Variants in SDC4 observed in about 807,000 individuals in gnomAD.
SDC4 encodes the protein syndecan 4.
SDC4 carries 17 observed loss-of-function variants against 20.5 expected under a neutral mutation model. The ratio of observed to expected loss-of-function variants is 0.83; its 90% CI spans 0.57 to 1.25. SDC4 has a LOEUF of 1.25. Ranked by LOEUF, SDC4 falls within the 50% of genes most tolerant of loss-of-function variation. The pLI is 0.00. For missense variants in SDC4, 241 were observed against 252.3 expected (o/e 0.96, Z 0.30); for synonymous variants, 107 against 105.3 (o/e 1.02, Z -0.10).
Position 45,330,489 on chromosome 20 carries a change from C to T in SDC4, c.322G>A (p.Glu108Lys). 1.2e-6 allele frequency: 2 copies of T among 1,614,042 alleles called. No homozygotes were observed. The highest frequency in any genetic ancestry group is 1.7e-6 in the Non-Finnish European group (2 of 1,179,872). The change falls in exon 4 of 5, where the codon GAG becomes AAG. Residue 108 changes from glutamate to lysine, a missense_variant. Glu to Lys is a moderately conservative substitution (Grantham distance 56, BLOSUM62 1). Coordinates refer to ENST00000372733, the MANE Select transcript of SDC4 (RefSeq NM_002999.4). The stretch of plus-strand genomic sequence containing the variant: ...ATTCTCTTGGGGATAACCTCATTCT[C>T]CTCTAGTTTCTTGGGTTCGGTGGGG... The part of the protein sequence containing the change: ...QVPTEPKKLE[E>K]NEVIPKRISP...
rs770018148 is a variant in SDC4, at chr20:45,334,274, G to A, written c.200-1205C>T. On this transcript the variant is annotated intron_variant, in intron 2 of 4. Transcript: ENST00000372733. ...GGCCTCCCACAGTGCTTCAATTACA[G>A]GTGTAAGCCACCGCGCCCGGCCAAA... Among the ~76,000 whole-genome samples, 48 of 151,966 alleles carry A rather than the reference G, an allele frequency of 3.2e-4. 1 individual carries two copies. Among genetic ancestry groups the A allele is most frequent in the Non-Finnish European group, 6.9e-4 (47 of 68,006 alleles).
chr20:45,341,961 C>T (rs1389530283), intron 1 of SDC4, among the ~76,000 whole-genome samples: 1 of 152,186 alleles, frequency 6.6e-6, no homozygotes, highest in Non-Finnish European at 1.5e-5. Flanking sequence ...CTCAAAGAGA[C>T]AAGCCTCCCT....
intron 2 of SDC4, 97 bp from the exon 3 acceptor site, chr20:45,333,166 T>C: frequency 9.0e-7 from 1 of 1,110,100 alleles, no homozygotes; most frequent in Non-Finnish European, 1.4e-6. Flanking sequence ...ACAACCAGCT[T>C]CCAAATGCTC....
At chr20:45,331,715 A>T (rs767046087) in intron 3 of SDC4, among the ~76,000 whole-genome samples, 2 of 152,234 alleles carry the variant, frequency 1.3e-5, no homozygotes, top group Non-Finnish European at 2.9e-5. Flanking sequence ...CATCAGTGCC[A>T]TGGCAATTTA....
chr20:45,344,168 C>T (rs1049314299), intron 1 of SDC4, among the ~76,000 whole-genome samples: 3 of 152,190 alleles, frequency 2.0e-5, no homozygotes, highest in African/African-American at 7.2e-5. Flanking sequence ...AAAAGTACTA[C>T]CTGCTCTGCA....
At chr20:45,340,891 C>T (rs1987944158) in intron 1 of SDC4, among the ~76,000 whole-genome samples, 1 of 152,218 alleles carries the variant, frequency 6.6e-6, no homozygotes, top group Non-Finnish European at 1.5e-5. Flanking sequence ...CCACCCACTT[C>T]TTAAGGGCCA....
rs534280276 is a variant in SDC4, at chr20:45,342,282, T to C, written c.60+6043A>G. On this transcript the variant is annotated intron_variant, in intron 1 of 4. Coordinates refer to ENST00000372733, the MANE Select transcript of SDC4 (RefSeq NM_002999.4). ...CCCTCACCGACCCCCAAGGAAGCCA[T>C]CCTCCAGACCAGGTCAGTCTGTCCC... Among the ~76,000 whole-genome samples, 4 of 152,236 alleles carry C rather than the reference T, an allele frequency of 2.6e-5. No homozygotes were observed. The South Asian group carries it at 6.2e-4, about 24-fold the overall frequency.
At chr20:45,348,240 C>G in intron 1 of SDC4, 85 bp downstream of exon 1, 2 of 1,192,060 alleles carry the variant, frequency 1.7e-6, no homozygotes, top group Non-Finnish European at 2.4e-6. Context: ...GATCTGCCCC[C>G]CCCCATCCCA....
intron 1 of SDC4, among the ~76,000 whole-genome samples, chr20:45,343,339 C>T (rs765730980): frequency 6.6e-6 from 1 of 152,134 alleles, no homozygotes. Flanking sequence ...CAACACCCCA[C>T]CCCTCAAAGT....
At chr20:45,336,566 T>G (rs1406373934) in intron 1 of SDC4, among the ~76,000 whole-genome samples, 1 of 152,178 alleles carries the variant, frequency 6.6e-6, no homozygotes, top group Non-Finnish European at 1.5e-5. Context: ...TCATTTTCTT[T>G]TGGTGACACA....
intron 2 of SDC4, 149 bp from the exon 3 acceptor site, chr20:45,333,218 C>T (rs2981386): frequency 1.4e-6 from 1 of 713,050 alleles, no homozygotes; most frequent in Non-Finnish European, 2.5e-6. Context: ...CTTCAGTCAT[C>T]TCATCTGTAA....
At chr20:45,333,777 G>C (rs1290473125) in intron 2 of SDC4, among the ~76,000 whole-genome samples, 1 of 152,178 alleles carries the variant, frequency 6.6e-6, no homozygotes, top group Middle Eastern at 3.2e-3. Context: ...AATGCTTAAA[G>C]AGTTACATTA....
At chr20:45,329,811 G>A (rs963441669) in intron 4 of SDC4, among the ~76,000 whole-genome samples, 5 of 152,186 alleles carry the variant, frequency 3.3e-5, no homozygotes, top group African/African-American at 1.2e-4. Context: ...AGGCCAAATC[G>A]GAATAGCCCT....
intron 1 of SDC4, among the ~76,000 whole-genome samples, chr20:45,337,855 T>A (rs939710922): frequency 6.6e-6 from 1 of 152,142 alleles, no homozygotes; most frequent in Non-Finnish European, 1.5e-5. Context: ...GTGGGGAGAA[T>A]GCTGAACGCT....
chr20:45,327,330 T>C lies in SDC4; in HGVS notation c.531A>G (p.Glu177=), dbSNP rs781380817. 2 of 1,614,206 alleles carry C rather than the reference T, an allele frequency of 1.2e-6. No individual in the cohort carries two copies. The highest frequency in any genetic ancestry group is 2.2e-5 in the South Asian group (2 of 91,084). The part of the protein sequence containing the change: ...LLMYRMKKKD[E]GSYDLGKKPI... ...GTTTCTTGCCCAGGTCATAGCTGCCTTCATCCTTCTTCTTCATACGGTACA... is the reference window on the plus strand; with the variant it reads ...GTTTCTTGCCCAGGTCATAGCTGCCCTCATCCTTCTTCTTCATACGGTACA... The change falls in exon 5 of 5, where the codon GAA becomes GAG. Residue 177 remains glutamate, a synonymous_variant. Coordinates refer to ENST00000372733, the MANE Select transcript of SDC4 (RefSeq NM_002999.4).
chr20:45,340,307 A>C (rs907665541), intron 1 of SDC4, among the ~76,000 whole-genome samples: 6 of 152,240 alleles, frequency 3.9e-5, no homozygotes, highest in Non-Finnish European at 8.8e-5. Context: ...ATGGCAAAAC[A>C]GCCTTGCAAG....
chr20:45,328,806 A>G, intron 4 of SDC4, among the ~76,000 whole-genome samples: 1 of 152,174 alleles, frequency 6.6e-6, no homozygotes, highest in East Asian at 1.9e-4. Flanking sequence ...CTTGGGTAAA[A>G]TCCTATGAAA....
intron 3 of SDC4, among the ~76,000 whole-genome samples, 156 bp from the exon 4 acceptor site, chr20:45,330,720 T>G (rs1415476989): frequency 1.3e-5 from 2 of 152,194 alleles, no homozygotes; most frequent in Non-Finnish European, 2.9e-5. Flanking sequence ...GTCTCCACAA[T>G]TATGCTGCCA....
rs763204077 is a variant in SDC4 at position 45,327,250 on chromosome 20, C to T, written c.*14G>A. 1 of 1,613,798 alleles carries T rather than the reference C, an allele frequency of 6.2e-7. No individual in the cohort carries two copies. The highest frequency in any genetic ancestry group is 8.5e-7 in the Non-Finnish European group (1 of 1,179,900). On this transcript the variant is annotated 3_prime_UTR_variant, in exon 5 of 5. Coordinates refer to ENST00000372733, the MANE Select transcript of SDC4 (RefSeq NM_002999.4). The stretch of plus-strand genomic sequence containing the variant: ...CTCCCCGCTAAAGTCCAAGCCAGTG[C>T]CCACAAGCAAGCTTCACGCGTAGAA...
Sources: allele counts gnomAD v4.1 joint callset (sites outside exome capture counted in the v4.1 genomes callset), GRCh38; gene constraint gnomAD v4.1.1; transcripts MANE v1.5; gene names NCBI Gene and HGNC (gene_info 2026-07-23, HGNC 2026-07-21).